WNT2: variants seen among roughly 807,000 people sequenced by gnomAD.
WNT2 encodes protein Wnt-2.
In WNT2, 12 loss-of-function variants were observed where a neutral mutation model predicts 36.9. That is an observed-to-expected ratio of 0.33 (90% CI 0.21 to 0.53). WNT2 has a LOEUF of 0.53. WNT2 is among the 20% of genes least tolerant of loss of function. WNT2 has a pLI of 0.95. For missense variants in WNT2, 379 were observed against 473.1 expected, an observed-to-expected ratio of 0.80 and a Z score of 1.84; for synonymous variants, 163 against 174.6, an observed-to-expected ratio of 0.93 and a Z score of 0.52.
intron 4 of WNT2, among the ~76,000 whole-genome samples, chr7:117,285,598 C>A (rs973774541): frequency 6.6e-6 from 1 of 152,158 alleles, no homozygotes; most frequent in African/African-American, 2.4e-5. Flanking sequence ...GTGTAGCTGG[C>A]TCTTAAAAAT....
At chr7:117,302,283 G>C (rs1434146864) in intron 3 of WNT2, among the ~76,000 whole-genome samples, 1 of 152,002 alleles carries the variant, frequency 6.6e-6, no homozygotes, top group South Asian at 2.1e-4. Context: ...AGGACAAAAA[G>C]GTGTTCGACT....
chr7:117,278,434 A>G (rs765192218), intron 4 of WNT2, 50 bp from the exon 5 acceptor site: 44 of 1,545,470 alleles, frequency 2.8e-5, no homozygotes, highest in African/African-American at 5.4e-5. Context: ...GTGGAATCCA[A>G]TATGCCTCCA....
intron 2 of WNT2, among the ~76,000 whole-genome samples, chr7:117,316,665 TA>T (rs1454224673): frequency 6.6e-6 from 1 of 152,228 alleles, no homozygotes; most frequent in African/African-American, 2.4e-5. Context: ...AAAACATATC[TA>T]CACCATATTA....
At chr7:117,306,160 T>G (rs755486625) in intron 3 of WNT2, among the ~76,000 whole-genome samples, 6 of 152,222 alleles carry the variant, frequency 3.9e-5, no homozygotes, top group African/African-American at 7.2e-5. Context: ...ATTTAGCTCT[T>G]TCATTTCTTT....
intron 4 of WNT2, among the ~76,000 whole-genome samples, chr7:117,282,891 G>C (rs1794515399): frequency 1.3e-5 from 2 of 152,118 alleles, no homozygotes; most frequent in Non-Finnish European, 2.9e-5. Flanking sequence ...GTGGTAGTGG[G>C]AACTGGAGCG....
chr7:117,308,881 G>A (rs1469129146), intron 3 of WNT2, among the ~76,000 whole-genome samples: 2 of 151,978 alleles, frequency 1.3e-5, no homozygotes, highest in Non-Finnish European at 2.9e-5. Flanking sequence ...TGGCATCAAG[G>A]GATCAATTTT....
In WNT2 at chr7:117,320,774, C is replaced by T. The variant is rs1361241119; in HGVS notation, c.103G>A (p.Gly35Ser). 1 of 1,611,674 alleles carries T rather than the reference C, an allele frequency of 6.2e-7. No homozygotes were observed. Among genetic ancestry groups the T allele is most frequent in the Non-Finnish European group, 8.5e-7 (1 of 1,179,692 alleles). ...TTATCGCACATCACCCTGGAGGAGC[C>T]ACCTGTAGCTCTCATGTACCTATAA... ...SSWWYMRATG[G>S]SSRVMCDNVP... Residue 35 changes from glycine to serine, a missense_variant, in exon 2 of 5, where the codon GGC becomes AGC. By Grantham distance (56) the Gly-to-Ser change is moderately conservative. Transcript: ENST00000265441.
chr7:117,279,776 C>T (rs1160622551), intron 4 of WNT2, among the ~76,000 whole-genome samples: 1 of 152,058 alleles, frequency 6.6e-6, no homozygotes, highest in African/African-American at 2.4e-5. Flanking sequence ...TCAACAATCC[C>T]ACCTAATTGA....
rs537440270 is a variant in WNT2 at position 117,320,890 on chromosome 7, A to C, written c.84-97T>G. The C allele has an allele frequency of 4.2e-5, 43 of 1,032,448 alleles. No homozygotes were observed. The African/African-American group carries it at 6.5e-4, about 16-fold the overall frequency. 64.0% of individuals were successfully genotyped at this position (1,032,448 alleles called of 1,614,324 possible). A position where few individuals can be genotyped will look rare whatever the true frequency, so the allele number is the denominator to read the frequency against. On this transcript the variant is annotated intron_variant, in intron 1 of 4. Coordinates refer to ENST00000265441, the MANE Select transcript of WNT2 (RefSeq NM_003391.3). ...ACTAAGGAGTTCAAAGCACTTTTCA[A>C]ATATGAATTCCTTATCCTTCTGGTG...
chr7:117,302,576 T>C (rs1794929357), intron 3 of WNT2, among the ~76,000 whole-genome samples: 2 of 152,184 alleles, frequency 1.3e-5, no homozygotes, highest in Admixed American at 1.3e-4. Context: ...TCTGGAAACA[T>C]CTGCACAAGC....
intron 4 of WNT2, among the ~76,000 whole-genome samples, chr7:117,292,429 T>G (rs1354109311): frequency 6.6e-6 from 1 of 152,238 alleles, no homozygotes; most frequent in Non-Finnish European, 1.5e-5. Flanking sequence ...AACCTCACTT[T>G]CCTTCTCTAT....
intron 3 of WNT2, among the ~76,000 whole-genome samples, chr7:117,298,240 T>C (rs1216979680): frequency 6.6e-6 from 1 of 152,200 alleles, no homozygotes; most frequent in Non-Finnish European, 1.5e-5. Context: ...ACTATCCAAT[T>C]AATGCTGTCC....
chr7:117,312,668 C>T (rs1192651153), intron 3 of WNT2, among the ~76,000 whole-genome samples: 1 of 152,106 alleles, frequency 6.6e-6, no homozygotes, highest in Admixed American at 6.6e-5. Flanking sequence ...TAGACTCAAT[C>T]AAGGATGAGC....
rs180913783 is a variant in WNT2, at chr7:117,297,674, G to A, written c.791C>T (p.Thr264Met). 1.9e-5 allele frequency: 31 copies of A among 1,613,970 alleles called. No individual in the cohort carries two copies. The highest frequency in any genetic ancestry group is 1.1e-4 in the African/African-American group (8 of 75,002). The change falls in exon 4 of 5, where the codon ACG (threonine) becomes ATG (methionine). Residue 264 changes from threonine to methionine, a missense_variant. Physicochemically the swap from Thr to Met is moderately conservative, Grantham distance 81. Coordinates refer to ENST00000265441, the MANE Select transcript of WNT2 (RefSeq NM_003391.3). ...CTCAAAATACACGAGGTCATTTTTC[G>A]TTGGCTTCTTAAACCTCTCGTTAGC... Reference protein sequence around the residue: ...TVANERFKKPTKNDLVYFENS... With the variant: ...TVANERFKKPMKNDLVYFENS...
chr7:117,316,753 C>T (rs1344851203), intron 2 of WNT2, among the ~76,000 whole-genome samples: 1 of 152,156 alleles, frequency 6.6e-6, no homozygotes, highest in African/African-American at 2.4e-5. Context: ...CAATCATGCC[C>T]TGTAGTTAGG....
At position 117,322,857 on chromosome 7, in the gene WNT2, G is replaced by T; in HGVS notation, c.83+50C>A. 3 of 1,581,562 alleles carry T rather than the reference G, an allele frequency of 1.9e-6. No individual in the cohort carries two copies. Among genetic ancestry groups the T allele is most frequent in the South Asian group, 1.1e-5 (1 of 90,372 alleles). ...AGGAAGGGTCTATGTGGCCAATGCG[G>T]TCCCCATTCCGATCTCCAAAATCCC... On this transcript the variant is annotated intron_variant, in intron 1 of 4. Transcript: ENST00000265441. This position sits in a 1 kb window ranked among gnomAD's most constrained non-coding sequence, Gnocchi z 5.4.
At chr7:117,305,966 G>A (rs865851752) in intron 3 of WNT2, among the ~76,000 whole-genome samples, 2 of 152,158 alleles carry the variant, frequency 1.3e-5, no homozygotes, top group African/African-American at 4.8e-5. Context: ...GGAATTTTCA[G>A]TTATTCCCAA....
At chr7:117,299,300 C>T (rs1269336048) in intron 3 of WNT2, among the ~76,000 whole-genome samples, 1 of 152,220 alleles carries the variant, frequency 6.6e-6, no homozygotes, top group African/African-American at 2.4e-5. Context: ...CTCACCTGTC[C>T]AGGAGCTGTC....
In WNT2 at chr7:117,284,997, G is replaced by A. The variant is rs1788833867; in HGVS notation, c.854-6613C>T. 6.6e-6 allele frequency among the ~76,000 whole-genome samples: 1 copy of A among 152,216 alleles called. No homozygotes were observed. The highest frequency in any genetic ancestry group is 6.5e-5 in the Admixed American group (1 of 15,290). ...GCCGAGTGCCCAGTCCTGGTGCCCG[G>A]CCAGGCACCAGAAAGCAGCCTGCTT... On this transcript the variant is annotated intron_variant, in intron 4 of 4. Transcript: ENST00000265441. The surrounding 1 kb of genome is among the most constrained non-coding windows in gnomAD (Gnocchi z 5.2).
Sources: gnomAD v4.1 joint callset for allele counts (sites outside exome capture counted in the v4.1 genomes callset) on GRCh38, gnomAD v4.1.1 for gene constraint, Gnocchi (gnomAD v3.1) non-coding constraint, MANE v1.5 for transcripts, NCBI Gene and HGNC (gene_info 2026-07-23, HGNC 2026-07-21) for gene names.